The following ABTB2 variants were observed in gnomAD, a reference collection of about 807,000 sequenced individuals.
ABTB2 encodes the protein ankyrin repeat and BTB/POZ domain-containing protein 2.
ABTB2 carries 56 observed loss-of-function variants against 104.1 expected under a neutral mutation model. The observed-to-expected ratio is 0.54, with a 90% CI of 0.43 to 0.67. The LOEUF (loss-of-function observed/expected upper bound fraction) is 0.67, where lower values mean the gene tolerates loss of function less well. ABTB2 is among the 30% of genes least tolerant of loss of function. The pLI is 0.00. For missense variants in ABTB2, 1,279 were observed against 1,407.7 expected, an observed-to-expected ratio of 0.91 and a Z score of 1.46; for synonymous variants, 606 against 608.2, an observed-to-expected ratio of 1.00 and a Z score of 0.05.
At chr11:34,280,638 T>G (rs971395295) in intron 1 of ABTB2, among the ~76,000 whole-genome samples, 1 of 152,162 alleles carries the variant, frequency 6.6e-6, no homozygotes, top group African/African-American at 2.4e-5. Context: ...AAGTCCTCAG[T>G]AATAACGGAC....
Position 34,161,023 on chromosome 11 carries a change from C to G in ABTB2, c.2277G>C (p.Ser759=). Residue 759 remains serine (S), a synonymous_variant, in exon 11 of 17, where the codon TCG becomes TCC. Transcript: ENST00000435224. Reference sequence around the variant, plus strand: ...GGAGGCTCTGCACCACCGAGTACCGCGACTGCGAGAACGAGGTCCTCAGAG... The same window carrying G: ...GGAGGCTCTGCACCACCGAGTACCGGGACTGCGAGAACGAGGTCCTCAGAG... ...IESLRTSFSQ[S]RYSVVQSLLR... 26 of 1,613,398 alleles carry G rather than the reference C, an allele frequency of 1.6e-5. No individual in the cohort carries two copies. The highest frequency in any genetic ancestry group is 2.2e-5 in the Non-Finnish European group (26 of 1,179,736).
intron 1 of ABTB2, among the ~76,000 whole-genome samples, chr11:34,293,229 G>A (rs912017046): frequency 2.0e-5 from 3 of 152,068 alleles, no homozygotes; most frequent in African/African-American, 4.8e-5. Context: ...GTCGAGGGGG[G>A]GCCCAGGGAG....
At chr11:34,177,477 G>A (rs1852971402) in intron 3 of ABTB2, among the ~76,000 whole-genome samples, 1 of 152,148 alleles carries the variant, frequency 6.6e-6, no homozygotes, top group East Asian at 1.9e-4. Flanking sequence ...ATGAAATTTG[G>A]TAAGTGAATG....
chr11:34,160,101 G>T lies in ABTB2; in HGVS notation c.2504-93C>A. 3.9e-6 allele frequency: 5 copies of T among 1,286,574 alleles called. No homozygotes were observed. In the South Asian group the frequency reaches 6.2e-5, roughly 16 times the overall value. 79.7% of individuals were successfully genotyped at this position (1,286,574 alleles called of 1,614,324 possible). ...TGTGAGGTGCGTGTCTGGGGTTGGGGGTGGGACACAGAGGTGAGGAACAGA... is the reference window on the plus strand; with the variant it reads ...TGTGAGGTGCGTGTCTGGGGTTGGGTGTGGGACACAGAGGTGAGGAACAGA... On this transcript the variant is annotated intron_variant, in intron 12 of 16. Coordinates refer to ENST00000435224, the MANE Select transcript of ABTB2 (RefSeq NM_145804.3).
chr11:34,270,313 A>C (rs1222318807), intron 1 of ABTB2, among the ~76,000 whole-genome samples: 5 of 149,940 alleles, frequency 3.3e-5, no homozygotes, highest in Admixed American at 6.6e-5. Context: ...AAAACATCTA[A>C]TCTGTTCACC....
At chr11:34,292,805 T>C (rs1410196104) in intron 1 of ABTB2, among the ~76,000 whole-genome samples, 3 of 152,090 alleles carry the variant, frequency 2.0e-5, no homozygotes, top group African/African-American at 4.8e-5. Context: ...AGGGAGCCTG[T>C]GATGGGGCCA....
chr11:34,156,977 A>G (rs572818979), intron 14 of ABTB2, among the ~76,000 whole-genome samples: 19 of 152,344 alleles, frequency 1.2e-4, no homozygotes, highest in East Asian at 9.6e-4. Flanking sequence ...TGTATCCGAC[A>G]GTACTGTCTA....
chr11:34,210,456 C>T (rs969391400), intron 1 of ABTB2, among the ~76,000 whole-genome samples: 5 of 152,208 alleles, frequency 3.3e-5, no homozygotes, highest in Non-Finnish European at 7.3e-5. Flanking sequence ...ACACACACAA[C>T]TTTAAATGTA....
At position 34,357,474 on chromosome 11, in the gene ABTB2, G is replaced by A; in HGVS notation, c.110C>T (p.Ser37Phe). Residue 37 changes from serine (S) to phenylalanine (F), a missense_variant, in exon 1 of 17, where the codon TCC becomes TTC. By Grantham distance (155) the Ser-to-Phe change is radical. Coordinates refer to ENST00000435224, the MANE Select transcript of ABTB2 (RefSeq NM_145804.3). The stretch of plus-strand genomic sequence containing the variant: ...CGAAGAGTTGAGCGCCTGCGAGTTG[G>A]ACTTGGAGGACGAGAGGCTGAGCGA... Reference protein sequence around the residue: ...CRSLSLSSSKSNSQALNSSAQ... With the variant: ...CRSLSLSSSKFNSQALNSSAQ... 1 of 1,546,452 alleles carries A rather than the reference G, an allele frequency of 6.5e-7. No homozygotes were observed. Among genetic ancestry groups the A allele is most frequent in the Non-Finnish European group, 8.7e-7 (1 of 1,146,842 alleles).
At chr11:34,239,149 G>T (rs1446249801) in intron 1 of ABTB2, among the ~76,000 whole-genome samples, 2 of 152,190 alleles carry the variant, frequency 1.3e-5, no homozygotes, top group Admixed American at 1.3e-4. Flanking sequence ...TACCCAGTAA[G>T]TATCTGTGGG....
At chr11:34,298,896 A>T (rs1342751725) in intron 1 of ABTB2, among the ~76,000 whole-genome samples, 1 of 152,240 alleles carries the variant, frequency 6.6e-6, no homozygotes, top group Non-Finnish European at 1.5e-5. Context: ...AAATTAATAA[A>T]GATCCCTTAT....
chr11:34,335,046 C>CT (rs1855177117), intron 1 of ABTB2: 3 of 685,084 alleles, frequency 4.4e-6, no homozygotes, highest in African/African-American at 1.8e-5. Context: ...AAACTTTAGT[C>CT]TGACAGTGTT....
At chr11:34,309,541 G>A (rs1204732300) in intron 1 of ABTB2, among the ~76,000 whole-genome samples, 2 of 152,160 alleles carry the variant, frequency 1.3e-5, no homozygotes, top group Admixed American at 6.5e-5. Flanking sequence ...TCAGAAGCTA[G>A]GCTTGTGGAA....
At chr11:34,235,747 C>T (rs116898759) in intron 1 of ABTB2, among the ~76,000 whole-genome samples, 5 of 152,298 alleles carry the variant, frequency 3.3e-5, no homozygotes, top group East Asian at 3.9e-4. Context: ...AGTGATCCAT[C>T]GCTAATTGCA....
At chr11:34,216,611 C>CATA in intron 1 of ABTB2, among the ~76,000 whole-genome samples, 6 of 152,006 alleles carry the variant, frequency 3.9e-5, no homozygotes, top group African/African-American at 1.4e-4. Flanking sequence ...ATTAGCCAGG[C>CATA]GTGGTGGCAG....
chr11:34,316,815 C>A (rs575721791), intron 1 of ABTB2, among the ~76,000 whole-genome samples: 1 of 152,260 alleles, frequency 6.6e-6, no homozygotes, highest in East Asian at 1.9e-4. Context: ...TAAGGGTATA[C>A]AAAGGACCTG....
intron 3 of ABTB2, among the ~76,000 whole-genome samples, chr11:34,191,610 T>G (rs775954260): frequency 6.6e-6 from 1 of 152,172 alleles, no homozygotes; most frequent in Non-Finnish European, 1.5e-5. Context: ...TATAGGAGCA[T>G]CAAGACAAGC....
chr11:34,232,935 G>C (rs1404320462), intron 1 of ABTB2, among the ~76,000 whole-genome samples: 3 of 152,050 alleles, frequency 2.0e-5, no homozygotes, highest in Non-Finnish European at 4.4e-5. Flanking sequence ...ACTCCAGCCT[G>C]GGTGACAGAA....
At chr11:34,277,889 C>T (rs574539629) in intron 1 of ABTB2, among the ~76,000 whole-genome samples, 1 of 148,760 alleles carries the variant, frequency 6.7e-6, no homozygotes, top group African/African-American at 2.5e-5. Flanking sequence ...ACTGCAACCT[C>T]CACTTCCCGG....
Sources: allele counts gnomAD v4.1 joint callset (sites outside exome capture counted in the v4.1 genomes callset), GRCh38; gene constraint gnomAD v4.1.1; transcripts MANE v1.5; gene names NCBI Gene and HGNC (gene_info 2026-07-23, HGNC 2026-07-21).